Variants in GNB1 observed in about 807,000 individuals in gnomAD.
The protein encoded by GNB1 is guanine nucleotide-binding protein G(I)/G(S)/G(T) subunit beta-1.
Under a neutral mutation model 42.9 loss-of-function variants are expected in GNB1, and 2 were observed. The ratio of observed to expected loss-of-function variants is 0.05; its 90% CI spans 0.02 to 0.15. GNB1 has a LOEUF of 0.15. GNB1 is among the 10% of genes least tolerant of loss of function. The probability of loss-of-function intolerance (pLI) is 1.00; values close to 1 mark genes in which losing one functional copy is unlikely to be tolerated. For synonymous variants in GNB1, 183 were observed against 174.7 expected, an observed-to-expected ratio of 1.05 and a Z score of -0.38; for missense variants, 193 against 462.2, an observed-to-expected ratio of 0.42 and a Z score of 5.34.
At chr1:1,873,655 A>T (rs1649370094) in intron 1 of GNB1, among the ~76,000 whole-genome samples, 1 of 152,220 alleles carries the variant, frequency 6.6e-6, no homozygotes, top group South Asian at 2.1e-4. Context: ...TCACACCTGC[A>T]ATCCCAGCAC....
intron 5 of GNB1, among the ~76,000 whole-genome samples, chr1:1,807,768 C>T (rs921677582): frequency 4.0e-5 from 6 of 150,988 alleles, no homozygotes; most frequent in East Asian, 2.0e-4. Flanking sequence ...AGTGCAGTGG[C>T]GCCATCTCGG....
At chr1:1,852,145 G>T (rs7526236) in intron 1 of GNB1, among the ~76,000 whole-genome samples, 1 of 149,956 alleles carries the variant, frequency 6.7e-6, no homozygotes, top group Non-Finnish European at 1.5e-5. Flanking sequence ...GGAGCCAGGC[G>T]TGGTGGCTCA....
intron 1 of GNB1, among the ~76,000 whole-genome samples, chr1:1,875,844 C>G (rs1361550314): frequency 6.6e-6 from 1 of 152,064 alleles, no homozygotes; most frequent in African/African-American, 2.4e-5. Context: ...GTGTCCCCCC[C>G]CCCAAAATTC....
At chr1:1,867,330 T>G (rs1354612548) in intron 1 of GNB1, among the ~76,000 whole-genome samples, 1 of 152,206 alleles carries the variant, frequency 6.6e-6, no homozygotes, top group African/African-American at 2.4e-5. Context: ...GGCCTCAGGT[T>G]GGACAAGCAT....
chr1:1,828,048 C>A (rs1244441217), intron 2 of GNB1, among the ~76,000 whole-genome samples: 1 of 152,100 alleles, frequency 6.6e-6, no homozygotes, highest in Admixed American at 6.6e-5. Context: ...CGGCTGGGGG[C>A]GGTGGCTGAC....
intron 5 of GNB1, among the ~76,000 whole-genome samples, chr1:1,807,522 C>T (rs1255857401): frequency 8.3e-6 from 1 of 120,210 alleles, no homozygotes; most frequent in East Asian, 2.4e-4. Context: ...CACTTTTAGA[C>T]ATTCCAAATT....
chr1:1,876,499 G>C (rs1340201730), intron 1 of GNB1, among the ~76,000 whole-genome samples: 4 of 151,218 alleles, frequency 2.6e-5, no homozygotes, highest in Non-Finnish European at 5.9e-5. Context: ...ACACGAGAGA[G>C]AGAGAGAGAG....
intron 1 of GNB1, among the ~76,000 whole-genome samples, chr1:1,848,496 C>G (rs1647803674): frequency 6.6e-6 from 1 of 152,154 alleles, no homozygotes; most frequent in African/African-American, 2.4e-5. Flanking sequence ...GACAGCAAGA[C>G]CAATCCCATC....
At chr1:1,867,162 G>A (rs1465359588) in intron 1 of GNB1, among the ~76,000 whole-genome samples, 2 of 152,138 alleles carry the variant, frequency 1.3e-5, no homozygotes, top group Non-Finnish European at 2.9e-5. Context: ...AGCTACTCGG[G>A]AGGCTGAGGC....
intron 1 of GNB1, among the ~76,000 whole-genome samples, chr1:1,879,862 T>A (rs953502047): frequency 6.6e-6 from 1 of 152,164 alleles, no homozygotes; most frequent in African/African-American, 2.4e-5. Context: ...CAGTTTTAGC[T>A]GAAGTCTAAG....
chr1:1,858,292 G>A (rs1440084202), intron 1 of GNB1, among the ~76,000 whole-genome samples: 1 of 152,180 alleles, frequency 6.6e-6, no homozygotes, highest in African/African-American at 2.4e-5. Context: ...CAGTTCATCT[G>A]TCGCATCTGT....
At chr1:1,827,533 G>C (rs1223511568) in intron 2 of GNB1, among the ~76,000 whole-genome samples, 2 of 152,152 alleles carry the variant, frequency 1.3e-5, no homozygotes, top group African/African-American at 2.4e-5. Context: ...TATTCTTAAG[G>C]GATAAGACTG....
intron 7 of GNB1, among the ~76,000 whole-genome samples, chr1:1,797,678 C>T (rs1293065173): frequency 2.0e-5 from 3 of 152,212 alleles, no homozygotes; most frequent in South Asian, 2.1e-4. Context: ...ATCAGGTGAT[C>T]CACCTGCCTC....
intron 1 of GNB1, among the ~76,000 whole-genome samples, chr1:1,865,285 A>C (rs1648867867): frequency 7.0e-6 from 1 of 143,302 alleles, no homozygotes; most frequent in African/African-American, 2.7e-5. Context: ...AAAACAAAAA[A>C]AAACCAAAAA....
At position 1,804,408 on chromosome 1, in the gene GNB1, A is replaced by T. The variant is rs1397046927; in HGVS notation, c.430+11T>A. ...TTGTGTCACTTGAAGCTTATGAACA[A>T]GGACAGGTACCTGTGTGTCCTGCCA... On this transcript the variant is annotated intron_variant, in intron 7 of 11. Coordinates refer to ENST00000378609, the MANE Select transcript of GNB1 (RefSeq NM_002074.5). 6.2e-7 allele frequency: 1 copy of T among 1,606,928 alleles called. No individual in the cohort carries two copies. Among genetic ancestry groups the T allele is most frequent in the Non-Finnish European group, 8.5e-7 (1 of 1,173,470 alleles).
At chr1:1,873,235 A>G (rs999346534) in intron 1 of GNB1, among the ~76,000 whole-genome samples, 1 of 152,230 alleles carries the variant, frequency 6.6e-6, no homozygotes, top group Non-Finnish European at 1.5e-5. Context: ...AAGCAAGGGA[A>G]TGCAACAGAG....
chr1:1,848,207 G>A (rs1647776640), intron 1 of GNB1, among the ~76,000 whole-genome samples: 1 of 151,526 alleles, frequency 6.6e-6, no homozygotes, highest in Admixed American at 6.6e-5. Flanking sequence ...GTGAAACTCT[G>A]TCTCTACTAA....
intron 8 of GNB1, among the ~76,000 whole-genome samples, chr1:1,791,951 GA>G (rs1313829069): frequency 6.6e-6 from 1 of 151,798 alleles, no homozygotes; most frequent in Non-Finnish European, 1.5e-5. Flanking sequence ...ATGCTTTGCT[GA>G]CAAGTTGGTT....
chr1:1,804,383 T>C (rs1557889750), intron 7 of GNB1, 36 bp downstream of exon 7: 2 of 1,517,488 alleles, frequency 1.3e-6, no homozygotes, highest in East Asian at 2.3e-5. Context: ...GGTAAACAGC[T>C]TGTGTCACTT....
Sources: gnomAD v4.1 joint callset for allele counts (sites outside exome capture counted in the v4.1 genomes callset) on GRCh38, gnomAD v4.1.1 for gene constraint, MANE v1.5 for transcripts, NCBI Gene and HGNC (gene_info 2026-07-23, HGNC 2026-07-21) for gene names.